ZNF431: variants seen among roughly 807,000 people sequenced by gnomAD.
ZNF431 encodes zinc finger protein 431.
Under a neutral mutation model 57.0 loss-of-function variants are expected in ZNF431, and 34 were observed. The observed-to-expected ratio is 0.60, with a 90% CI of 0.45 to 0.79. ZNF431 has a LOEUF of 0.79. Ranked by LOEUF, ZNF431 falls within the 30% of genes least tolerant of loss-of-function variation. ZNF431 has a pLI of 0.00. For missense variants in ZNF431, 607 were observed against 667.1 expected, an observed-to-expected ratio of 0.91 and a Z score of 0.99; for synonymous variants, 207 against 220.3, an observed-to-expected ratio of 0.94 and a Z score of 0.54.
At chr19:21,158,095 G>A (rs1478115086) in intron 2 of ZNF431, among the ~76,000 whole-genome samples, 6 of 152,102 alleles carry the variant, frequency 3.9e-5, no homozygotes, top group Middle Eastern at 3.2e-3. Flanking sequence ...GATACAAATA[G>A]CATTAAATTG....
intron 2 of ZNF431, among the ~76,000 whole-genome samples, chr19:21,144,686 T>C (rs1405762701): frequency 6.6e-6 from 1 of 152,184 alleles, no homozygotes; most frequent in African/African-American, 2.4e-5. Context: ...TTCCAAGGCT[T>C]AGCTTTTAGA....
chr19:21,156,362 A>AT (rs138201493), intron 2 of ZNF431, among the ~76,000 whole-genome samples: 24,394 of 150,680 alleles, frequency 0.16, 2,225 homozygotes, highest in African/African-American at 0.25. Context: ...CCACGCATGG[A>AT]TTTTTTTTTT....
chr19:21,164,634 G>A (rs1228904792), intron 2 of ZNF431, among the ~76,000 whole-genome samples: 2 of 152,080 alleles, frequency 1.3e-5, no homozygotes, highest in Admixed American at 1.3e-4. Flanking sequence ...AGAAGGAGGA[G>A]AAAGAGGAAT....
At chr19:21,163,684 C>A (rs1970641337) in intron 2 of ZNF431, among the ~76,000 whole-genome samples, 1 of 151,934 alleles carries the variant, frequency 6.6e-6, no homozygotes, top group Non-Finnish European at 1.5e-5. Flanking sequence ...ACCACGCCAG[C>A]TAATTTTTTA....
chr19:21,149,102 T>C (rs1159612669), intron 2 of ZNF431, among the ~76,000 whole-genome samples: 1 of 152,254 alleles, frequency 6.6e-6, no homozygotes, highest in Admixed American at 6.5e-5. Context: ...ACCAGTCATT[T>C]TACTTTAGGA....
In ZNF431 at chr19:21,182,664, G is replaced by A. The variant is rs1362091704; in HGVS notation, c.361G>A (p.Asp121Asn). ...TACCAAAGACCTTTGGCCAGAGCAAGACATAAAAGATTCTTTTCAACAAGT... is the reference window on the plus strand; with the variant it reads ...TACCAAAGACCTTTGGCCAGAGCAAAACATAAAAGATTCTTTTCAACAAGT... ...YFTKDLWPEQ[D>N]IKDSFQQVIL... is the part of the protein sequence containing the mutation. Residue 121 changes from aspartate to asparagine, a missense_variant, in exon 5 of 5, where the codon GAC (aspartate) becomes AAC (asparagine). Asp to Asn is a conservative substitution (Grantham distance 23, BLOSUM62 1). Transcript: ENST00000311048. 1 of 1,612,042 alleles carries A rather than the reference G, an allele frequency of 6.2e-7. No individual in the cohort carries two copies. Among genetic ancestry groups the A allele is most frequent in the African/African-American group, 1.3e-5 (1 of 74,924 alleles).
chr19:21,158,756 T>C lies in ZNF431; in HGVS notation c.97-7579T>C, dbSNP rs868441426. Among the ~76,000 whole-genome samples the C allele has an allele frequency of 3.2e-4, 48 of 152,162 alleles. 1 individual carries two copies. Among genetic ancestry groups the C allele is most frequent in the African/African-American group, 1.1e-3 (47 of 41,418 alleles). ...AGGGTTTTGAAGATATAGAATCTTGTCATCTGGACATAAGGATAGTTTGAC... is the reference window on the plus strand; with the variant it reads ...AGGGTTTTGAAGATATAGAATCTTGCCATCTGGACATAAGGATAGTTTGAC... On this transcript the variant is annotated intron_variant, in intron 2 of 4. Coordinates refer to ENST00000311048, the MANE Select transcript of ZNF431 (RefSeq NM_133473.4).
intron 4 of ZNF431, among the ~76,000 whole-genome samples, chr19:21,176,296 A>C (rs575353688): frequency 6.8e-6 from 1 of 146,662 alleles, no homozygotes; most frequent in African/African-American, 2.5e-5. Context: ...GCTGGAATGC[A>C]ATGGTGCAAA....
At chr19:21,146,000 T>G (rs1970081459) in intron 2 of ZNF431, among the ~76,000 whole-genome samples, 1 of 152,156 alleles carries the variant, frequency 6.6e-6, no homozygotes, top group Non-Finnish European at 1.5e-5. Context: ...CTGGAGCCTG[T>G]GAAAAATTTT....
Position 21,184,179 on chromosome 19 carries a change from G to C in ZNF431, c.*145G>C, listed in dbSNP as rs1877234167. On this transcript the variant is annotated 3_prime_UTR_variant, in exon 5 of 5. Coordinates refer to ENST00000311048, the MANE Select transcript of ZNF431 (RefSeq NM_133473.4). Reference sequence around the variant, plus strand: ...ATCCTGGCCAACATGGTGAAACCCTGTCTCTACTAAAAATACAAAAATTAT... The same window carrying C: ...ATCCTGGCCAACATGGTGAAACCCTCTCTCTACTAAAAATACAAAAATTAT... The C allele has an allele frequency of 1.5e-6, 1 of 670,858 alleles. No homozygotes were observed. The highest frequency in any genetic ancestry group is 3.4e-5 in the Admixed American group (1 of 29,556). The allele number at this position is 670,858 out of a possible 1,614,324, so 41.6% of individuals were successfully genotyped here. A position where few individuals can be genotyped will look rare whatever the true frequency, so the allele number is the denominator to read the frequency against.
At chr19:21,163,747 A>G (rs1970642639) in intron 2 of ZNF431, among the ~76,000 whole-genome samples, 1 of 151,976 alleles carries the variant, frequency 6.6e-6, no homozygotes, top group Admixed American at 6.6e-5. Flanking sequence ...CTTGAACTCC[A>G]GACCTCAGGT....
chr19:21,182,847 G>A lies in ZNF431; in HGVS notation c.544G>A (p.Val182Met), dbSNP rs753939332. The A allele has an allele frequency of 6.2e-7, 1 of 1,613,938 alleles. No individual in the cohort carries two copies. Among genetic ancestry groups the A allele is most frequent in the Non-Finnish European group, 8.5e-7 (1 of 1,179,886 alleles). ...CAAAATATTTCCATGTGATAAATAT[G>A]TGAAAGTCTTTCATAAATTTTTAAA... ...QSKIFPCDKY[V>M]KVFHKFLNAN... The change falls in exon 5 of 5, where the codon GTG becomes ATG. Residue 182 changes from valine to methionine, a missense_variant. Physicochemically the swap from Val to Met is conservative, Grantham distance 21. Transcript: ENST00000311048.
chr19:21,163,018 A>G (rs1458191914), intron 2 of ZNF431, among the ~76,000 whole-genome samples: 2 of 152,214 alleles, frequency 1.3e-5, no homozygotes, highest in Admixed American at 1.3e-4. Flanking sequence ...TGACAGAGAA[A>G]CAGATGAAGA....
chr19:21,168,470 G>A (rs1001324168), intron 4 of ZNF431, among the ~76,000 whole-genome samples: 7 of 151,796 alleles, frequency 4.6e-5, no homozygotes, highest in African/African-American at 1.7e-4. Context: ...GTGTTCAAGC[G>A]ATTCTCCTGC....
In ZNF431 at chr19:21,170,961, T is replaced by C. The variant is rs968691394; in HGVS notation, c.319+3295T>C. ...TTGCTGGGATTACAGGCGTGAGCCA[T>C]TGTGCCCGGCCCAACATAATTTATT... On this transcript the variant is annotated intron_variant, in intron 4 of 4. Transcript: ENST00000311048. Among the ~76,000 whole-genome samples, 5 of 152,180 alleles carry C rather than the reference T, an allele frequency of 3.3e-5. No individual in the cohort carries two copies. In the East Asian group the frequency reaches 5.8e-4, roughly 18 times the overall value.
chr19:21,156,894 C>T (rs1970431334), intron 2 of ZNF431, among the ~76,000 whole-genome samples: 1 of 152,114 alleles, frequency 6.6e-6, no homozygotes, highest in African/African-American at 2.4e-5. Flanking sequence ...CTTACTTCAG[C>T]CCCCAAAGTA....
In ZNF431 at chr19:21,190,971, T is replaced by A. The variant is rs186091395; in HGVS notation, c.*6937T>A. 1.3e-5 allele frequency: 2 copies of A among 152,248 alleles called. No individual in the cohort carries two copies. The highest frequency in any genetic ancestry group is 1.3e-4 in the Admixed American group (2 of 15,278). The allele number at this position is 152,248 out of a possible 1,614,324, so 9.4% of individuals were successfully genotyped here. A position where few individuals can be genotyped will look rare whatever the true frequency, so the allele number is the denominator to read the frequency against. On this transcript the variant is annotated 3_prime_UTR_variant, in exon 5 of 5. Transcript: ENST00000311048. ...GCGTCCGGCCTATTATTTTTAATAATTTTTTATTGTTGTCATTTTAAATAC... is the reference window on the plus strand; with the variant it reads ...GCGTCCGGCCTATTATTTTTAATAAATTTTTATTGTTGTCATTTTAAATAC...
chr19:21,145,741 A>G (rs370132979), intron 2 of ZNF431, among the ~76,000 whole-genome samples: 50 of 152,306 alleles, frequency 3.3e-4, no homozygotes, highest in African/African-American at 1.2e-3. Context: ...AAAAATTCCG[A>G]AAGAGTATTG....
chr19:21,181,511 C>G (rs1435859516), intron 4 of ZNF431, among the ~76,000 whole-genome samples: 1 of 151,968 alleles, frequency 6.6e-6, no homozygotes, highest in African/African-American at 2.4e-5. Flanking sequence ...CAGCTCCATT[C>G]TCTTCTTGTC....
Sources: allele counts gnomAD v4.1 joint callset (sites outside exome capture counted in the v4.1 genomes callset), GRCh38; gene constraint gnomAD v4.1.1; transcripts MANE v1.5; gene names NCBI Gene and HGNC (gene_info 2026-07-23, HGNC 2026-07-21).